Variants in CTNNA2 observed in about 807,000 individuals in gnomAD.
CTNNA2 encodes the protein catenin alpha 2, also known as catenin alpha-2.
A neutral mutation model predicts 101.0 loss-of-function variants in CTNNA2; 42 were observed. The ratio of observed to expected loss-of-function variants is 0.42; its 90% CI spans 0.32 to 0.54. The LOEUF (loss-of-function observed/expected upper bound fraction) is 0.54, where lower values mean the gene tolerates loss of function less well. Among genes scored for constraint, CTNNA2 ranks in the 20% least tolerant of loss-of-function variants. CTNNA2 has a pLI of 0.14. For synonymous variants in CTNNA2, 450 were observed against 456.4 expected (o/e 0.99, Z 0.18); for missense variants, 871 against 1,223.1 (o/e 0.71, Z 4.29).
rs779054328 is a variant in CTNNA2, at chr2:80,303,795, A to G, written c.1057-89416A>G. ...GGCCTCCTCAGCAGCCAGTATAGACAGAGACCGAGCAGCAGGAAATCCATT... is the reference window on the plus strand; with the variant it reads ...GGCCTCCTCAGCAGCCAGTATAGACGGAGACCGAGCAGCAGGAAATCCATT... On this transcript the variant is annotated intron_variant, in intron 7 of 18. Transcript: ENST00000402739. This position sits in a 1 kb window ranked among gnomAD's most constrained non-coding sequence, Gnocchi z 7.7. The G allele has an allele frequency of 3.3e-6, 5 of 1,522,044 alleles. No homozygotes were observed. The highest frequency in any genetic ancestry group is 2.2e-5 in the Admixed American group (1 of 45,674). The allele number at this position is 1,522,044 out of a possible 1,614,324, so 94.3% of individuals were successfully genotyped here.
intron 1 of CTNNA2, among the ~76,000 whole-genome samples, chr2:79,540,249 C>T (rs764254079): frequency 7.9e-5 from 12 of 152,184 alleles, no homozygotes; most frequent in Non-Finnish European, 1.3e-4. Flanking sequence ...AGGTACAACA[C>T]CTGGCTCTGC....
chr2:79,351,387 C>T (rs1474409166), intron 3 of CTNNA2, among the ~76,000 whole-genome samples: 2 of 152,024 alleles, frequency 1.3e-5, no homozygotes, highest in African/African-American at 4.8e-5. Context: ...TTCCCAATAC[C>T]ATTTAGTGAA....
chr2:80,135,460 G>A (rs1017398775), intron 7 of CTNNA2, among the ~76,000 whole-genome samples: 3 of 152,198 alleles, frequency 2.0e-5, no homozygotes, highest in Non-Finnish European at 4.4e-5. Flanking sequence ...GTTTGTTACA[G>A]ACAGAATTCA....
intron 7 of CTNNA2, among the ~76,000 whole-genome samples, chr2:80,300,641 A>C (rs1057167668): frequency 6.6e-6 from 1 of 152,136 alleles, no homozygotes; most frequent in Admixed American, 6.5e-5. Flanking sequence ...AAAAGGAAAA[A>C]TAAAAACAGA....
At chr2:80,330,691 G>A (rs1025518782) in intron 7 of CTNNA2, among the ~76,000 whole-genome samples, 4 of 152,106 alleles carry the variant, frequency 2.6e-5, no homozygotes, top group South Asian at 2.1e-4. Flanking sequence ...TTCAGAAGCT[G>A]CCTTCCAGGG....
At chr2:80,553,949 T>A (rs2149654845) in intron 11 of CTNNA2, among the ~76,000 whole-genome samples, 2 of 152,290 alleles carry the variant, frequency 1.3e-5, no homozygotes, top group South Asian at 4.1e-4. Flanking sequence ...TACTACTTTT[T>A]GTGAGTTTTA....
intron 3 of CTNNA2, among the ~76,000 whole-genome samples, chr2:79,825,085 A>G (rs941547366): frequency 2.6e-5 from 4 of 152,142 alleles, no homozygotes; most frequent in African/African-American, 9.7e-5. Context: ...TCTACTTAGG[A>G]GGCTGAGATG....
At chr2:79,501,972 T>A (rs964548684) in intron 4 of CTNNA2, among the ~76,000 whole-genome samples, 3 of 151,260 alleles carry the variant, frequency 2.0e-5, no homozygotes, top group Non-Finnish European at 4.4e-5. Flanking sequence ...AGTCTTTTTT[T>A]TTTTTTTTTT....
intron 7 of CTNNA2, among the ~76,000 whole-genome samples, chr2:80,229,850 T>C (rs1428490453): frequency 2.0e-5 from 3 of 152,132 alleles, no homozygotes; most frequent in Non-Finnish European, 4.4e-5. Context: ...TCCTTTCACT[T>C]TTATTGTTTG....
chr2:80,324,252 G>A (rs1280779648), intron 7 of CTNNA2, among the ~76,000 whole-genome samples: 5 of 152,154 alleles, frequency 3.3e-5, no homozygotes, highest in African/African-American at 7.2e-5. Flanking sequence ...GCTTTGAAGG[G>A]GGTCGACAAA....
intron 4 of CTNNA2, among the ~76,000 whole-genome samples, chr2:79,457,068 G>A (rs980182284): frequency 6.6e-6 from 1 of 151,982 alleles, no homozygotes; most frequent in Non-Finnish European, 1.5e-5. Flanking sequence ...CGGGCGCGGT[G>A]GCGGGCGCCT....
chr2:80,334,542 A>G (rs1230200459), intron 7 of CTNNA2, among the ~76,000 whole-genome samples: 1 of 152,232 alleles, frequency 6.6e-6, no homozygotes, highest in Non-Finnish European at 1.5e-5. Context: ...TATAATCAGG[A>G]CAGTCCCAGG....
At chr2:80,534,305 A>C (rs1019481220) in intron 9 of CTNNA2, among the ~76,000 whole-genome samples, 1 of 152,180 alleles carries the variant, frequency 6.6e-6, no homozygotes, top group Admixed American at 6.6e-5. Context: ...GATGTTGTAT[A>C]AGGTTCACTT....
intron 7 of CTNNA2, among the ~76,000 whole-genome samples, chr2:80,102,207 A>G (rs1007353085): frequency 2.0e-5 from 3 of 152,122 alleles, no homozygotes; most frequent in Non-Finnish European, 2.9e-5. Flanking sequence ...TTTCATTCCA[A>G]TCTTTCTCAT....
At chr2:80,631,874 G>T (rs1672331123) in intron 18 of CTNNA2, among the ~76,000 whole-genome samples, 1 of 151,920 alleles carries the variant, frequency 6.6e-6, no homozygotes, top group African/African-American at 2.4e-5. Context: ...AAGTGATGTA[G>T]TACTTTTTGT....
chr2:80,330,550 A>G (rs934112849), intron 7 of CTNNA2, among the ~76,000 whole-genome samples: 3 of 150,662 alleles, frequency 2.0e-5, no homozygotes, highest in African/African-American at 4.9e-5. Context: ...ATTCTTAGCC[A>G]TTGTTCATTT....
intron 14 of CTNNA2, among the ~76,000 whole-genome samples, chr2:80,584,127 C>A (rs1347802015): frequency 6.6e-6 from 1 of 152,074 alleles, no homozygotes; most frequent in South Asian, 2.1e-4. Context: ...GACTTTTGAC[C>A]AGCAAAGTGT....
At chr2:79,261,785 A>C (rs1220593798) in intron 2 of CTNNA2, among the ~76,000 whole-genome samples, 1 of 152,250 alleles carries the variant, frequency 6.6e-6, no homozygotes, top group Admixed American at 6.5e-5. Context: ...GCTTCAACCC[A>C]TAAATTTACA....
intron 9 of CTNNA2, among the ~76,000 whole-genome samples, chr2:80,422,790 A>AT (rs1278544649): frequency 6.6e-6 from 1 of 151,898 alleles, no homozygotes; most frequent in Non-Finnish European, 1.5e-5. Flanking sequence ...TCTTCCTTCT[A>AT]TTTTTTGGAA....
Sources: allele counts gnomAD v4.1 joint callset (sites outside exome capture counted in the v4.1 genomes callset), GRCh38; gene constraint gnomAD v4.1.1; non-coding constraint Gnocchi (gnomAD v3.1); transcripts MANE v1.5; gene names NCBI Gene and HGNC (gene_info 2026-07-23, HGNC 2026-07-21).